The following LRRC4C variants were observed in gnomAD, a reference collection of about 807,000 sequenced individuals.
LRRC4C encodes the protein leucine-rich repeat-containing protein 4C.
In LRRC4C, 5 loss-of-function variants were observed where a neutral mutation model predicts 33.6. That is an observed-to-expected ratio of 0.15 (90% CI 0.08 to 0.31). The LOEUF is 0.31. LRRC4C is among the 10% of genes least tolerant of loss of function. The pLI, the probability that LRRC4C is intolerant of heterozygous loss-of-function variation, is 1.00. For missense variants in LRRC4C, 560 were observed against 796.7 expected, an observed-to-expected ratio of 0.70 and a Z score of 3.58; for synonymous variants, 329 against 302.0, an observed-to-expected ratio of 1.09 and a Z score of -0.93.
intron 3 of LRRC4C, among the ~76,000 whole-genome samples, chr11:40,642,014 C>G (rs888855051): frequency 1.5e-5 from 2 of 135,728 alleles, no homozygotes; most frequent in Admixed American, 1.6e-4. Flanking sequence ...CTTGTCACCA[C>G]AGGCTGCTTT....
chr11:40,423,980 C>T (rs149747482), intron 3 of LRRC4C, among the ~76,000 whole-genome samples: 59 of 152,102 alleles, frequency 3.9e-4, no homozygotes, highest in African/African-American at 1.3e-3. Flanking sequence ...TTTATAAAAA[C>T]TCATGTATAT....
rs576555669 is a variant in LRRC4C, at chr11:41,133,738, G to C, written c.-495-200015C>G. Among the ~76,000 whole-genome samples, 95 of 152,168 alleles carry C rather than the reference G, an allele frequency of 6.2e-4. 2 individuals carry two copies. The South Asian group carries it at 0.018, about 29-fold the overall frequency. Reference sequence around the variant, plus strand: ...CTAAGGCCATGCAAAGCAAGAATTAGGTCACCCTTGCCCACCATCAATCAT... The same window carrying C: ...CTAAGGCCATGCAAAGCAAGAATTACGTCACCCTTGCCCACCATCAATCAT... On this transcript the variant is annotated intron_variant, in intron 1 of 6. Transcript: ENST00000528697.
Position 40,725,644 on chromosome 11 carries a change from G to A in LRRC4C, c.-406-77366C>T, listed in dbSNP as rs115907565. On this transcript the variant is annotated intron_variant, in intron 2 of 6. Transcript: ENST00000528697. ...TATAATACTAAAAATCATACCTTGG[G>A]TGGAGATTTAACATGGTAATGAAAC... Among the ~76,000 whole-genome samples the A allele has an allele frequency of 7.0e-3, 1,059 of 152,176 alleles. 20 individuals are homozygous for A. The highest frequency in any genetic ancestry group is 0.025 in the African/African-American group (1,027 of 41,512).
intron 1 of LRRC4C, among the ~76,000 whole-genome samples, chr11:41,428,277 G>T (rs1955112979): frequency 6.6e-6 from 1 of 152,112 alleles, no homozygotes; most frequent in Admixed American, 6.6e-5. Context: ...TTTCATTTCT[G>T]AGGTCAACTC....
chr11:41,099,303 CTG>C (rs529945204), intron 1 of LRRC4C, among the ~76,000 whole-genome samples: 391 of 151,510 alleles, frequency 2.6e-3, no homozygotes, highest in African/African-American at 9.2e-3. Context: ...TTCCAAAAAA[CTG>C]AGAAAAAGTA....
rs1590407414 is a variant in LRRC4C at position 40,116,116 on chromosome 11, C to T, written c.177G>A (p.Lys59=). 1 of 1,614,076 alleles carries T rather than the reference C, an allele frequency of 6.2e-7. No individual in the cohort carries two copies. Among genetic ancestry groups the T allele is most frequent in the African/African-American group, 1.3e-5 (1 of 74,992 alleles). ...SVCSCSNQFS[K]VICVRKNLRE... ...GCAGGTTTTTCCGAACACAAATCAC[C>T]TTGCTGAACTGGTTGCTGCAGGAGC... The change falls in exon 7 of 7, where the codon AAG becomes AAA. Residue 59 remains lysine, a synonymous_variant. Coordinates refer to ENST00000528697, the MANE Select transcript of LRRC4C (RefSeq NM_001258419.2).
At chr11:40,183,358 G>A (rs1243219345) in intron 5 of LRRC4C, among the ~76,000 whole-genome samples, 1 of 152,046 alleles carries the variant, frequency 6.6e-6, no homozygotes, top group African/African-American at 2.4e-5. Flanking sequence ...GTCCCTGTTT[G>A]GGGGAAAAAA....
At chr11:41,279,363 A>G (rs1352912078) in intron 1 of LRRC4C, among the ~76,000 whole-genome samples, 1 of 125,064 alleles carries the variant, frequency 8.0e-6, no homozygotes. Flanking sequence ...ATTCCATCCC[A>G]TCACATACAC....
chr11:40,457,232 T>A (rs1565407744), intron 3 of LRRC4C, among the ~76,000 whole-genome samples: 1 of 151,272 alleles, frequency 6.6e-6, no homozygotes, highest in African/African-American at 2.4e-5. Flanking sequence ...AGAACAATTA[T>A]AAAAAAATTT....
At chr11:40,526,066 G>A (rs11035895) in intron 3 of LRRC4C, among the ~76,000 whole-genome samples, 21,924 of 151,466 alleles carry the variant, frequency 0.14, 1,993 homozygotes, top group Admixed American at 0.23. Context: ...CTTAATACAT[G>A]CCTCTAATTA....
chr11:40,569,781 T>C (rs961439029), intron 3 of LRRC4C, among the ~76,000 whole-genome samples: 2 of 152,136 alleles, frequency 1.3e-5, no homozygotes, highest in Non-Finnish European at 2.9e-5. Context: ...ATTTTTATTT[T>C]ATTCCTGCTA....
At chr11:41,358,816 T>C (rs1565610063) in intron 1 of LRRC4C, among the ~76,000 whole-genome samples, 1 of 152,186 alleles carries the variant, frequency 6.6e-6, no homozygotes, top group Non-Finnish European at 1.5e-5. Context: ...ATTTGGTGGA[T>C]TCTGACAAAA....
chr11:41,020,069 T>C (rs953746485), intron 1 of LRRC4C, among the ~76,000 whole-genome samples: 1 of 152,186 alleles, frequency 6.6e-6, no homozygotes, highest in Non-Finnish European at 1.5e-5. Context: ...TTTGGCATTT[T>C]TGTCATGAAA....
chr11:41,386,235 G>C (rs1953355622), intron 1 of LRRC4C, among the ~76,000 whole-genome samples: 1 of 151,628 alleles, frequency 6.6e-6, no homozygotes, highest in Non-Finnish European at 1.5e-5. Context: ...AAACACACCA[G>C]CATTCTCAAT....
chr11:41,280,634 C>T (rs1949633384), intron 1 of LRRC4C, among the ~76,000 whole-genome samples: 1 of 152,070 alleles, frequency 6.6e-6, no homozygotes, highest in African/African-American at 2.4e-5. Context: ...TTAAACGGTT[C>T]CACACTTGTC....
intron 2 of LRRC4C, among the ~76,000 whole-genome samples, chr11:40,821,876 T>C (rs1315499639): frequency 6.6e-6 from 1 of 151,416 alleles, no homozygotes; most frequent in African/African-American, 2.4e-5. Flanking sequence ...GGTCAAATGA[T>C]TTTTTTATTG....
intron 5 of LRRC4C, among the ~76,000 whole-genome samples, chr11:40,231,515 C>A (rs1046391008): frequency 6.6e-6 from 1 of 152,116 alleles, no homozygotes; most frequent in African/African-American, 2.4e-5. Context: ...ATTATATCTG[C>A]CTATTTAAAA....
intron 1 of LRRC4C, among the ~76,000 whole-genome samples, chr11:41,293,575 TTTTTATTTTATTTTTATTTTTA>T (rs1950051308): frequency 6.6e-6 from 1 of 151,886 alleles, no homozygotes; most frequent in Non-Finnish European, 1.5e-5. Flanking sequence ...TTATTTTATT[TTTTTATTTTATTTTTATTTTTA>T]TTTTATTTTA....
In LRRC4C at chr11:41,404,459, C is replaced by A. The variant is rs1481219423; in HGVS notation, c.-496+54972G>T. Reference sequence around the variant, plus strand: ...AGGGATGTCTCTGATCTCCGACAACCCCAGGGCTATGTGTGTGTGTGTCTG... The same window carrying A: ...AGGGATGTCTCTGATCTCCGACAACACCAGGGCTATGTGTGTGTGTGTCTG... On this transcript the variant is annotated intron_variant, in intron 1 of 6. Transcript: ENST00000528697. Among the ~76,000 whole-genome samples the A allele has an allele frequency of 6.0e-5, 9 of 150,926 alleles. No homozygotes were observed. The East Asian group carries it at 1.8e-3, about 30-fold the overall frequency.
Sources: gnomAD v4.1 joint callset for allele counts (sites outside exome capture counted in the v4.1 genomes callset) on GRCh38, gnomAD v4.1.1 for gene constraint, MANE v1.5 for transcripts, NCBI Gene and HGNC (gene_info 2026-07-23, HGNC 2026-07-21) for gene names.